The following DENND2B variants were observed in gnomAD, a reference collection of about 807,000 sequenced individuals.
DENND2B encodes DENN domain-containing protein 2B.
DENND2B carries 32 observed loss-of-function variants against 116.0 expected under a neutral mutation model. That is an observed-to-expected ratio of 0.28 (90% confidence interval 0.21 to 0.37). DENND2B has a LOEUF of 0.37. Among genes scored for constraint, DENND2B ranks in the 10% least tolerant of loss-of-function variants. DENND2B has a pLI of 1.00. For synonymous variants in DENND2B, 588 were observed against 583.9 expected, an observed-to-expected ratio of 1.01 and a Z score of -0.10; for missense variants, 1,276 against 1,477.7, an observed-to-expected ratio of 0.86 and a Z score of 2.24.
intron 13 of DENND2B, among the ~76,000 whole-genome samples, chr11:8,706,640 T>C (rs1018245605): frequency 3.3e-5 from 5 of 152,200 alleles, no homozygotes; most frequent in Admixed American, 2.0e-4. Flanking sequence ...TAAGGTCCTG[T>C]GCTTTCACTT....
At chr11:8,771,566 A>AGAGAGAGAGAGAGAGAGCGCGC (rs146752028) in intron 1 of DENND2B, 12 of 120,310 alleles carry the variant, frequency 1.0e-4, no homozygotes, top group Admixed American at 9.9e-4. Flanking sequence ...AGAGAGAGAG[A>AGAGAGAGAGAGAGAGAGCGCGC]GCCTTCTTCC....
At chr11:8,694,978 C>T (rs1422082901) in intron 19 of DENND2B, among the ~76,000 whole-genome samples, 3 of 152,156 alleles carry the variant, frequency 2.0e-5, no homozygotes, top group East Asian at 1.9e-4. Flanking sequence ...GGGAGGATCA[C>T]GTGAGGCCAG....
intron 1 of DENND2B, among the ~76,000 whole-genome samples, chr11:8,905,890 C>T (rs531699305): frequency 6.6e-6 from 1 of 151,886 alleles, no homozygotes; most frequent in Admixed American, 6.6e-5. Context: ...GCCTCAAAAA[C>T]ATTATGCTAA....
At chr11:8,889,477 G>A (rs1476532115) in intron 1 of DENND2B, among the ~76,000 whole-genome samples, 2 of 152,238 alleles carry the variant, frequency 1.3e-5, no homozygotes, top group Non-Finnish European at 2.9e-5. Context: ...AAGGGTCAGG[G>A]AATTCCCTTT....
At chr11:8,833,131 A>C (rs2062283754) in intron 4 of DENND2B, among the ~76,000 whole-genome samples, 1 of 152,228 alleles carries the variant, frequency 6.6e-6, no homozygotes, top group Non-Finnish European at 1.5e-5. Flanking sequence ...ATGGGCTCTA[A>C]TGCCTCCCAG....
intron 4 of DENND2B, among the ~76,000 whole-genome samples, chr11:8,836,841 G>A (rs569672997): frequency 1.3e-5 from 2 of 152,170 alleles, no homozygotes; most frequent in South Asian, 2.1e-4. Context: ...TCAGCCTCCC[G>A]AGTGGATGGG....
rs192558466 is a variant in DENND2B, at chr11:8,900,963, T to G, written c.-256+9858A>C. On this transcript the variant is annotated intron_variant, in intron 1 of 22. Coordinates refer to the DENND2B transcript ENST00000534127. ...CAGCCTAGGCAACAAGAGTGAAACC[T>G]TGGTCTTGAACTCCTGACCTTAACT... Among the ~76,000 whole-genome samples, 373 of 151,584 alleles carry G rather than the reference T, an allele frequency of 2.5e-3. 1 individual carries two copies. Among genetic ancestry groups the G allele is most frequent in the African/African-American group, 7.8e-3 (323 of 41,408 alleles).
rs188997693 is a variant in DENND2B at position 8,713,524 on chromosome 11, C to T, written c.1987+474G>A. ...CCTCCCAAGTAGCTGGTATTACACG[C>T]GCCCGCCACCGTGCCTGGCTAATTT... On this transcript the variant is annotated intron_variant, in intron 8 of 19. Transcript: ENST00000313726. Among the ~76,000 whole-genome samples the T allele has an allele frequency of 6.8e-4, 104 of 152,228 alleles. No individual in the cohort carries two copies. In the East Asian group the frequency reaches 0.018, roughly 27 times the overall value.
chr11:8,883,439 G>T (rs2063923594), intron 1 of DENND2B, among the ~76,000 whole-genome samples: 1 of 152,100 alleles, frequency 6.6e-6, no homozygotes, highest in Non-Finnish European at 1.5e-5. Flanking sequence ...TGTCATTAGG[G>T]GCTTTTTGTT....
chr11:8,790,984 T>A (rs1409634129), intron 1 of DENND2B, among the ~76,000 whole-genome samples: 2 of 152,210 alleles, frequency 1.3e-5, no homozygotes, highest in Non-Finnish European at 2.9e-5. Context: ...GTCTGGGACA[T>A]AAGTAGGTAC....
intron 1 of DENND2B, among the ~76,000 whole-genome samples, chr11:8,752,334 C>T (rs2052678347): frequency 6.6e-6 from 1 of 151,966 alleles, no homozygotes; most frequent in Non-Finnish European, 1.5e-5. Flanking sequence ...CAGCTGTAAT[C>T]TCAGCTACTT....
At chr11:8,733,623 A>G (rs2048475425) in intron 2 of DENND2B, among the ~76,000 whole-genome samples, 1 of 152,160 alleles carries the variant, frequency 6.6e-6, no homozygotes, top group South Asian at 2.1e-4. Flanking sequence ...GTGGTTCCCT[A>G]GGGCTGTGTC....
At chr11:8,839,992 T>C (rs2062570220) in intron 3 of DENND2B, among the ~76,000 whole-genome samples, 1 of 150,956 alleles carries the variant, frequency 6.6e-6, no homozygotes, top group South Asian at 2.1e-4. Flanking sequence ...CTAAGGGGAG[T>C]TTTGGGGTTT....
chr11:8,760,064 A>G (rs756427536), intron 1 of DENND2B, among the ~76,000 whole-genome samples: 4 of 152,204 alleles, frequency 2.6e-5, no homozygotes, highest in Non-Finnish European at 5.9e-5. Context: ...TGCTTCCTAG[A>G]AAGAGCTAAG....
intron 2 of DENND2B, among the ~76,000 whole-genome samples, chr11:8,870,036 T>A (rs1303833713): frequency 6.6e-6 from 1 of 152,240 alleles, no homozygotes; most frequent in African/African-American, 2.4e-5. Flanking sequence ...AATGGCCAGT[T>A]GCAGTGTGTG....
At chr11:8,874,003 C>T (rs1460857118), upstream of DENND2B, among the ~76,000 whole-genome samples, 1 of 152,178 alleles carries the variant, frequency 6.6e-6, no homozygotes, top group Admixed American at 6.5e-5. Flanking sequence ...GGTAAATTTA[C>T]TGCCTAATTT....
At position 8,707,981 on chromosome 11, in the gene DENND2B, C is replaced by T; in HGVS notation, c.2353-127G>A. Reference sequence around the variant, plus strand: ...CTTCTAGTGGAGGAAGACTTTAAGCCTCCTCTAAACCTCTCTGCAACCAGA... The same window carrying T: ...CTTCTAGTGGAGGAAGACTTTAAGCTTCCTCTAAACCTCTCTGCAACCAGA... On this transcript the variant is annotated intron_variant, in intron 11 of 19. Coordinates refer to ENST00000313726, the MANE Select transcript of DENND2B (RefSeq NM_213618.2). This position sits in a 1 kb window ranked among gnomAD's most constrained non-coding sequence, Gnocchi z 4.8. 2 of 1,532,762 alleles carry T rather than the reference C, an allele frequency of 1.3e-6. No individual in the cohort carries two copies. Among genetic ancestry groups the T allele is most frequent in the South Asian group, 2.4e-5 (2 of 83,378 alleles). The allele number at this position is 1,532,762 out of a possible 1,614,324, so 94.9% of individuals were successfully genotyped here. A position where few individuals can be genotyped will look rare whatever the true frequency, so the allele number is the denominator to read the frequency against.
chr11:8,788,213 CA>C (rs2059084482), intron 1 of DENND2B, among the ~76,000 whole-genome samples: 1 of 152,076 alleles, frequency 6.6e-6, no homozygotes, highest in African/African-American at 2.4e-5. Flanking sequence ...GACTACCTAC[CA>C]AAACAAACCC....
upstream of DENND2B, among the ~76,000 whole-genome samples, chr11:8,874,066 G>A (rs1240010529): frequency 6.6e-6 from 1 of 152,176 alleles, no homozygotes; most frequent in Admixed American, 6.5e-5. Flanking sequence ...CATCAACACA[G>A]AGCCAAGACA....
Sources: gnomAD v4.1 joint callset for allele counts (sites outside exome capture counted in the v4.1 genomes callset) on GRCh38, gnomAD v4.1.1 for gene constraint, Gnocchi (gnomAD v3.1) non-coding constraint, MANE v1.5 for transcripts, NCBI Gene and HGNC (gene_info 2026-07-23, HGNC 2026-07-21) for gene names.